SMYD4: variants seen among roughly 807,000 people sequenced by gnomAD.
SMYD4 encodes protein-lysine N-methyltransferase SMYD4.
In SMYD4, 68 loss-of-function variants were observed where a neutral mutation model predicts 72.8. The observed-to-expected ratio is 0.93, with a 90% confidence interval of 0.77 to 1.14. The LOEUF (loss-of-function observed/expected upper bound fraction) is 1.14, where lower values mean the gene tolerates loss of function less well. Among genes scored for constraint, SMYD4 ranks in the 50% most tolerant of loss-of-function variants. The pLI is 0.00. For synonymous variants in SMYD4, 407 were observed against 388.6 expected, an observed-to-expected ratio of 1.05 and a Z score of -0.56; for missense variants, 984 against 1,003.7, an observed-to-expected ratio of 0.98 and a Z score of 0.27.
intron 2 of SMYD4, among the ~76,000 whole-genome samples, chr17:1,815,742 G>A (rs573250574): frequency 1.3e-5 from 2 of 149,038 alleles, no homozygotes; most frequent in Non-Finnish European, 3.0e-5. Context: ...CTCTGTCACC[G>A]AGGCTGGAGT....
At chr17:1,781,565 CAGTA>C (rs1489026449) in intron 10 of SMYD4, 126 bp from the exon 11 acceptor site, 22 of 1,140,696 alleles carry the variant, frequency 1.9e-5, no homozygotes, top group East Asian at 2.6e-5. Context: ...CAATCTAGAA[CAGTA>C]AGTAAGACAC....
rs555732273 is a variant in SMYD4 at position 1,781,495 on chromosome 17, T to C, written c.2262-56A>G. The C allele has an allele frequency of 1.8e-5, 28 of 1,580,424 alleles. No homozygotes were observed. The East Asian group carries it at 2.2e-4, about 13-fold the overall frequency. On this transcript the variant is annotated intron_variant, in intron 10 of 10. Transcript: ENST00000305513. ...CACTGATTTGTGAGGCAAATGTTAATTGAGGGCCTACTCACACACCGTGAA... is the reference window on the plus strand; with the variant it reads ...CACTGATTTGTGAGGCAAATGTTAACTGAGGGCCTACTCACACACCGTGAA...
At position 1,800,728 on chromosome 17, in the gene SMYD4, C is replaced by G; in HGVS notation, c.666G>C (p.Arg222Ser). The G allele has an allele frequency of 6.2e-7, 1 of 1,614,210 alleles. No individual in the cohort carries two copies. The highest frequency in any genetic ancestry group is 8.5e-7 in the Non-Finnish European group (1 of 1,180,038). Reference sequence around the variant, plus strand: ...CATTGGAAAGTTGTTCATTCTCCTCCCTCAGCGCTGCATCCTCAAGGGTTT... The same window carrying G: ...CATTGGAAAGTTGTTCATTCTCCTCGCTCAGCGCTGCATCCTCAAGGGTTT... ...LAKTLEDAAL[R>S]EENEQLSNAS... is the part of the protein sequence containing the mutation. Residue 222 changes from arginine to serine, a missense_variant, in exon 5 of 11, where the codon AGG becomes AGC. By Grantham distance (110) the Arg-to-Ser change is moderately radical. Transcript: ENST00000305513.
intron 2 of SMYD4, among the ~76,000 whole-genome samples, chr17:1,823,821 C>T (rs1263240900): frequency 6.6e-6 from 1 of 152,120 alleles, no homozygotes; most frequent in East Asian, 1.9e-4. Context: ...GGTGTTATTA[C>T]ACTATCAGGG....
chr17:1,828,483 C>T (rs575701414), intron 1 of SMYD4, among the ~76,000 whole-genome samples: 3 of 152,090 alleles, frequency 2.0e-5, no homozygotes, highest in African/African-American at 7.2e-5. Flanking sequence ...ATTCACTCAA[C>T]ATCCTTCCAT....
intron 7 of SMYD4, among the ~76,000 whole-genome samples, chr17:1,785,421 T>C (rs1410977685): frequency 8.3e-6 from 1 of 120,242 alleles, no homozygotes; most frequent in African/African-American, 3.3e-5. Context: ...AGAGAGACTC[T>C]GTCTCACAAA....
At chr17:1,825,524 T>C (rs1911121280) in intron 2 of SMYD4, among the ~76,000 whole-genome samples, 1 of 150,728 alleles carries the variant, frequency 6.6e-6, no homozygotes, top group South Asian at 2.1e-4. Context: ...TTTTTTTTTT[T>C]TTTTTGAGAA....
rs756140971 is a variant in SMYD4 at position 1,783,371 on chromosome 17, C to G, written c.2126G>C (p.Cys709Ser). ...GGCTCATGCTGTACCTAAGGCAGCACAGGCCCGGGCCAGGCCATCCGCGAT... is the reference window on the plus strand; with the variant it reads ...GGCTCATGCTGTACCTAAGGCAGCAGAGGCCCGGGCCAGGCCATCCGCGAT... ...GEIADGLARA[C>S]AALGDWQKSA... The change falls in exon 9 of 11, where the codon TGT (cysteine) becomes TCT (serine). Residue 709 changes from cysteine to serine, a missense_variant. Cys to Ser is a moderately radical substitution (Grantham distance 112, BLOSUM62 -1). Coordinates refer to ENST00000305513, the MANE Select transcript of SMYD4 (RefSeq NM_052928.3). The G allele has an allele frequency of 6.2e-7, 1 of 1,612,344 alleles. No homozygotes were observed. Among genetic ancestry groups the G allele is most frequent in the Non-Finnish European group, 8.5e-7 (1 of 1,180,022 alleles).
intron 5 of SMYD4, among the ~76,000 whole-genome samples, chr17:1,792,861 G>C (rs998558866): frequency 8.6e-5 from 13 of 152,044 alleles, no homozygotes; most frequent in African/African-American, 3.1e-4. Context: ...TTTTTTGGGG[G>C]GAAATTTATA....
At chr17:1,799,145 G>A (rs1909565672) in intron 5 of SMYD4, among the ~76,000 whole-genome samples, 1 of 150,376 alleles carries the variant, frequency 6.6e-6, no homozygotes, top group South Asian at 2.1e-4. Flanking sequence ...TGTAGTCCCA[G>A]CTACTGGGGA....
At chr17:1,811,016 G>A (rs555135510) in intron 3 of SMYD4, among the ~76,000 whole-genome samples, 63 of 152,302 alleles carry the variant, frequency 4.1e-4, no homozygotes, top group South Asian at 1.4e-3. Context: ...GCACACCAAG[G>A]CAAGAACCCG....
chr17:1,783,499 T>C (rs1159139023), intron 8 of SMYD4, 23 bp from the exon 9 acceptor site: 6 of 1,583,550 alleles, frequency 3.8e-6, no homozygotes, highest in Non-Finnish European at 5.2e-6. Flanking sequence ...AGGAAAGACG[T>C]CTCACTATAG....
rs1301431666 is a variant in SMYD4, at chr17:1,829,849, C to T, written c.-136G>A. 6.3e-6 allele frequency: 2 copies of T among 317,608 alleles called. No individual in the cohort carries two copies. The highest frequency in any genetic ancestry group is 4.4e-5 in the African/African-American group (2 of 45,660). The allele number at this position is 317,608 out of a possible 1,614,324, so 19.7% of individuals were successfully genotyped here. Reference sequence around the variant, plus strand: ...CTGGCGCGCCCCTTGGCGCCCCGCTCCGCCCCGCACCGCGTCCGGCGTCCC... The same window carrying T: ...CTGGCGCGCCCCTTGGCGCCCCGCTTCGCCCCGCACCGCGTCCGGCGTCCC... On this transcript the variant is annotated 5_prime_UTR_variant, in exon 1 of 11. Transcript: ENST00000305513.
chr17:1,808,157 A>G (rs1401032022), intron 3 of SMYD4, among the ~76,000 whole-genome samples: 1 of 152,206 alleles, frequency 6.6e-6, no homozygotes, highest in Non-Finnish European at 1.5e-5. Flanking sequence ...TAAGCAAGCA[A>G]TCAGATATAT....
chr17:1,802,817 C>T (rs978299738), intron 4 of SMYD4, among the ~76,000 whole-genome samples: 12 of 127,948 alleles, frequency 9.4e-5, no homozygotes, highest in African/African-American at 3.0e-4. Flanking sequence ...GAGGTATCCT[C>T]CTAAAACATT....
At chr17:1,817,859 A>G (rs111648835) in intron 2 of SMYD4, among the ~76,000 whole-genome samples, 6,567 of 151,948 alleles carry the variant, frequency 0.043, 484 homozygotes, top group African/African-American at 0.15. Context: ...CATCCTGGCT[A>G]ACATGGTGAA....
chr17:1,787,332 T>G, intron 6 of SMYD4, 90 bp downstream of exon 6: 4 of 1,475,194 alleles, frequency 2.7e-6, no homozygotes, highest in Non-Finnish European at 3.7e-6. Context: ...AGTAGACAGG[T>G]GAAGTCACAT....
chr17:1,786,674 T>C (rs1908708366), intron 7 of SMYD4, 136 bp downstream of exon 7: 2 of 983,938 alleles, frequency 2.0e-6, no homozygotes, highest in South Asian at 1.6e-5. Flanking sequence ...TGTATGGGGA[T>C]GACTGGCTAA....
chr17:1,804,505 C>G, intron 4 of SMYD4, 121 bp downstream of exon 4: 1 of 872,924 alleles, frequency 1.1e-6, no homozygotes, highest in Non-Finnish European at 1.8e-6. Flanking sequence ...GCTTCCAATT[C>G]AACCAATAGC....
Sources: allele counts gnomAD v4.1 joint callset (sites outside exome capture counted in the v4.1 genomes callset), GRCh38; gene constraint gnomAD v4.1.1; transcripts MANE v1.5; gene names NCBI Gene and HGNC (gene_info 2026-07-23, HGNC 2026-07-21).